Variants in CHODL observed in about 807,000 individuals in gnomAD.
CHODL encodes the protein transmembrane protein MT75.
CHODL carries 29 observed loss-of-function variants against 34.5 expected under a neutral mutation model. That is an observed-to-expected ratio of 0.84 (90% CI 0.63 to 1.15). The LOEUF (loss-of-function observed/expected upper bound fraction) is 1.15. CHODL is among the 50% of genes most tolerant of loss of function. The probability of loss-of-function intolerance (pLI) is 0.00; values close to 1 mark genes in which losing one functional copy is unlikely to be tolerated. For missense variants in CHODL, 332 were observed against 332.5 expected (o/e 1.00, Z 0.01); for synonymous variants, 125 against 116.1 (o/e 1.08, Z -0.49).
At chr21:18,010,123 A>G (rs2064001022) in intron 1 of CHODL, among the ~76,000 whole-genome samples, 1 of 58,314 alleles carries the variant, frequency 1.7e-5, no homozygotes, top group Non-Finnish European at 2.8e-5. Context: ...AAATACAAAA[A>G]AAAAAAAAAA....
rs1169554329 is a variant in CHODL, at chr21:17,956,120, G to A, written c.-145+38720G>A. On this transcript the variant is annotated intron_variant, in intron 1 of 6. Transcript: ENST00000400127. ...CTGCATCCAAATCTCATGTTGAGATGTAATCCCCAGTGTTGGAGATGGGGC... is the reference window on the plus strand; with the variant it reads ...CTGCATCCAAATCTCATGTTGAGATATAATCCCCAGTGTTGGAGATGGGGC... Among the ~76,000 whole-genome samples the A allele has an allele frequency of 2.2e-5, 3 of 136,668 alleles. 1 individual carries two copies. Among genetic ancestry groups the A allele is most frequent in the African/African-American group, 7.5e-5 (3 of 39,872 alleles). 89.7% of individuals were successfully genotyped at this position (136,668 alleles called of 152,430 possible). A position where few individuals can be genotyped will look rare whatever the true frequency, so the allele number is the denominator to read the frequency against.
At chr21:18,236,045 G>T (rs188978146) in intron 2 of CHODL, among the ~76,000 whole-genome samples, 1 of 152,050 alleles carries the variant, frequency 6.6e-6, no homozygotes, top group African/African-American at 2.4e-5. Flanking sequence ...ACATTATCAC[G>T]CTGCTGTAAA....
At chr21:18,039,851 T>C (rs2064354088) in intron 2 of CHODL, among the ~76,000 whole-genome samples, 1 of 151,780 alleles carries the variant, frequency 6.6e-6, no homozygotes, top group African/African-American at 2.4e-5. Context: ...TTAAGAGATT[T>C]ATGGATTGCT....
At chr21:18,242,999 G>A (rs927420775), upstream of CHODL, among the ~76,000 whole-genome samples, 1 of 152,162 alleles carries the variant, frequency 6.6e-6, no homozygotes, top group Non-Finnish European at 1.5e-5. Flanking sequence ...CTCTGGGCAT[G>A]AGTAACTGAG....
In CHODL at chr21:18,099,127, T is replaced by TA. The variant is rs1033551006; in HGVS notation, c.-45+71163dup. Among the ~76,000 whole-genome samples the TA allele has an allele frequency of 7.2e-5, 11 of 151,882 alleles. No individual in the cohort carries two copies. The South Asian group carries it at 1.7e-3, about 23-fold the overall frequency. ...GTAGGGGTTGGGGTTGGTTAGTGGA[T>TA]AAAAAAAGATGGTTAGAAAGAATGA... On this transcript the variant is annotated intron_variant, in intron 2 of 6. Coordinates refer to the CHODL transcript ENST00000400127.
At chr21:18,108,794 G>A (rs1280369381) in intron 2 of CHODL, among the ~76,000 whole-genome samples, 5 of 151,992 alleles carry the variant, frequency 3.3e-5, no homozygotes, top group African/African-American at 1.2e-4. Context: ...GAATAGCTAT[G>A]GAGACGATTA....
intron 2 of CHODL, among the ~76,000 whole-genome samples, chr21:18,185,248 C>T (rs1416180349): frequency 6.6e-6 from 1 of 152,110 alleles, no homozygotes; most frequent in African/African-American, 2.4e-5. Flanking sequence ...GTTCAACTCC[C>T]ACTTATGAGT....
intron 2 of CHODL, among the ~76,000 whole-genome samples, chr21:18,146,890 T>C (rs1201747383): frequency 6.6e-6 from 1 of 152,196 alleles, no homozygotes; most frequent in Non-Finnish European, 1.5e-5. Context: ...ACTAATGTTA[T>C]TTTGATCAAA....
At chr21:18,198,302 T>G (rs1300259249) in intron 2 of CHODL, among the ~76,000 whole-genome samples, 3 of 152,122 alleles carry the variant, frequency 2.0e-5, no homozygotes, top group Non-Finnish European at 4.4e-5. Context: ...TTCCCAAAGA[T>G]CATGTAAATA....
At chr21:18,149,539 C>G (rs1568911426) in intron 2 of CHODL, among the ~76,000 whole-genome samples, 1 of 152,198 alleles carries the variant, frequency 6.6e-6, no homozygotes, top group Non-Finnish European at 1.5e-5. Context: ...AAGGCATAGT[C>G]TTTCAACTTT....
At chr21:18,010,297 CAAAAA>C (rs71189576) in intron 1 of CHODL, among the ~76,000 whole-genome samples, 2 of 38,788 alleles carry the variant, frequency 5.2e-5, no homozygotes, top group Non-Finnish European at 8.7e-5. Context: ...ACTCCCGTCT[CAAAAA>C]AAAAAAAAAA....
rs117709749 is a variant in CHODL at position 17,958,485 on chromosome 21, A to G, written c.-145+41085A>G. 4.6e-5 allele frequency among the ~76,000 whole-genome samples: 7 copies of G among 152,256 alleles called. No homozygotes were observed. The East Asian group carries it at 1.4e-3, about 29-fold the overall frequency. Reference sequence around the variant, plus strand: ...CTACTTCTCCCAACCCCCTTCTAATAACATTATCTTCAAAAGCATTTGTTC... The same window carrying G: ...CTACTTCTCCCAACCCCCTTCTAATGACATTATCTTCAAAAGCATTTGTTC... On this transcript the variant is annotated intron_variant, in intron 1 of 6. Transcript: ENST00000400127.
At chr21:17,943,519 G>T (rs1306608854) in intron 1 of CHODL, among the ~76,000 whole-genome samples, 1 of 152,182 alleles carries the variant, frequency 6.6e-6, no homozygotes, top group Non-Finnish European at 1.5e-5. Flanking sequence ...TCAAAAAGGA[G>T]TAGATTTCAG....
chr21:18,033,223 G>A (rs1393963124), intron 2 of CHODL, among the ~76,000 whole-genome samples: 1 of 151,914 alleles, frequency 6.6e-6, no homozygotes, highest in African/African-American at 2.4e-5. Flanking sequence ...TAAGGAATAG[G>A]TAATGCAAAG....
Position 18,211,168 on chromosome 21 carries a change from A to ACACG in CHODL, c.-44-45340_-44-45339insACGC, listed in dbSNP as rs756032552. 1.9e-4 allele frequency among the ~76,000 whole-genome samples: 26 copies of ACACG among 133,762 alleles called. 1 individual carries two copies. The highest frequency in any genetic ancestry group is 2.5e-4 in the Non-Finnish European group (15 of 60,130). 87.8% of individuals were successfully genotyped at this position (133,762 alleles called of 152,430 possible). ...CACACACACACACACACACACACAC[A>ACACG]CTCACACTCACACCCTGGCCGCATT... On this transcript the variant is annotated intron_variant, in intron 2 of 6. Transcript: ENST00000400127.
chr21:17,918,583 C>T (rs1181808902), intron 1 of CHODL, among the ~76,000 whole-genome samples: 1 of 152,146 alleles, frequency 6.6e-6, no homozygotes, highest in Admixed American at 6.5e-5. Flanking sequence ...CCTCCTAGGA[C>T]ACATGGGAAT....
intron 1 of CHODL, among the ~76,000 whole-genome samples, chr21:17,953,785 A>G (rs1034250120): frequency 3.9e-5 from 6 of 152,164 alleles, no homozygotes; most frequent in African/African-American, 1.4e-4. Context: ...CCTGAGGTGA[A>G]AGGATCATGA....
At chr21:18,183,662 G>A (rs2146679853) in intron 2 of CHODL, among the ~76,000 whole-genome samples, 1 of 152,236 alleles carries the variant, frequency 6.6e-6, no homozygotes, top group East Asian at 1.9e-4. Flanking sequence ...TTGTGGATTT[G>A]CAGATAGATT....
intron 2 of CHODL, among the ~76,000 whole-genome samples, chr21:18,046,715 T>C (rs1468290608): frequency 2.0e-5 from 3 of 151,950 alleles, no homozygotes; most frequent in Non-Finnish European, 4.4e-5. Context: ...TAGTTACACA[T>C]ATGTAATTGC....
Sources: allele counts gnomAD v4.1 joint callset (sites outside exome capture counted in the v4.1 genomes callset), GRCh38; gene constraint gnomAD v4.1.1; transcripts MANE v1.5; gene names NCBI Gene and HGNC (gene_info 2026-07-23, HGNC 2026-07-21).